SCTR: variants seen among roughly 807,000 people sequenced by gnomAD.
SCTR encodes the protein secretin receptor, also known as pancreatic secretin receptor.
In SCTR, 56 loss-of-function variants were observed where a neutral mutation model predicts 60.8. That is an observed-to-expected ratio of 0.92 (90% confidence interval 0.74 to 1.15). The LOEUF (loss-of-function observed/expected upper bound fraction) is 1.15, where lower values mean the gene tolerates loss of function less well. Among genes scored for constraint, SCTR ranks in the 50% most tolerant of loss-of-function variants. The pLI is 0.00. For missense variants in SCTR, 562 were observed against 550.4 expected, an observed-to-expected ratio of 1.02 and a Z score of -0.21; for synonymous variants, 202 against 217.0, an observed-to-expected ratio of 0.93 and a Z score of 0.61.
intron 4 of SCTR, among the ~76,000 whole-genome samples, chr2:119,471,379 C>A (rs1276999351): frequency 2.0e-5 from 3 of 152,142 alleles, no homozygotes; most frequent in Non-Finnish European, 4.4e-5. Flanking sequence ...CCTCCAAGAC[C>A]ACGAGTGCTC....
At chr2:119,454,913 A>T (rs1326160095) in intron 7 of SCTR, among the ~76,000 whole-genome samples, 1 of 152,214 alleles carries the variant, frequency 6.6e-6, no homozygotes, top group African/African-American at 2.4e-5. Context: ...ATACATTGAA[A>T]TGATACTATT....
At chr2:119,487,874 C>T (rs1013103109) in intron 2 of SCTR, among the ~76,000 whole-genome samples, 1 of 152,092 alleles carries the variant, frequency 6.6e-6, no homozygotes, top group East Asian at 1.9e-4. Flanking sequence ...TAACCATTAA[C>T]CCTGCACCCT....
intron 1 of SCTR, among the ~76,000 whole-genome samples, chr2:119,512,422 A>C (rs1255968330): frequency 7.2e-6 from 1 of 138,202 alleles, no homozygotes; most frequent in Admixed American, 7.7e-5. Context: ...TTTGAGATGG[A>C]GTCCCGCTCT....
At chr2:119,447,020 TTTTCATTTTTTATTTTGAAAG>T in intron 10 of SCTR, 135 bp from the exon 11 acceptor site, 1 of 915,048 alleles carries the variant, frequency 1.1e-6, no homozygotes, top group Non-Finnish European at 1.5e-6. Context: ...AACTTTTTTG[TTTTCATTTTTTATTTTGAAAG>T]TTTCTAACTC....
intron 1 of SCTR, among the ~76,000 whole-genome samples, chr2:119,500,982 C>A (rs1319871326): frequency 2.6e-5 from 4 of 152,088 alleles, no homozygotes; most frequent in Non-Finnish European, 4.4e-5. Context: ...ATGATTATCA[C>A]ATGAACCCCC....
At chr2:119,510,241 T>C (rs1239899322) in intron 1 of SCTR, among the ~76,000 whole-genome samples, 1 of 150,046 alleles carries the variant, frequency 6.7e-6, no homozygotes, top group African/African-American at 2.4e-5. Flanking sequence ...GCATCTCACA[T>C]TTGTTTTGCC....
At position 119,509,711 on chromosome 2, in the gene SCTR, G is replaced by T. The variant is rs1678871276; in HGVS notation, c.72+14444C>A. Among the ~76,000 whole-genome samples, 4 of 152,148 alleles carry T rather than the reference G, an allele frequency of 2.6e-5. No individual in the cohort carries two copies. The South Asian group carries it at 8.3e-4, about 32-fold the overall frequency. ...AACCATTTAATGTGTGCAATTCAGT[G>T]GTATTAGGTATACTCACAATGTTGT... is the stretch of plus-strand genomic sequence containing the variant. On this transcript the variant is annotated intron_variant, in intron 1 of 12. Transcript: ENST00000019103.
intron 1 of SCTR, among the ~76,000 whole-genome samples, chr2:119,506,163 C>G (rs1558878922): frequency 6.6e-6 from 1 of 152,098 alleles, no homozygotes; most frequent in Non-Finnish European, 1.5e-5. Context: ...GGCATTTATC[C>G]CAGAGGAATG....
At chr2:119,458,866 T>C (rs1683486070) in intron 7 of SCTR, among the ~76,000 whole-genome samples, 1 of 152,102 alleles carries the variant, frequency 6.6e-6, no homozygotes, top group Non-Finnish European at 1.5e-5. Flanking sequence ...GCAAGCTGGG[T>C]TTGGCAGACC....
intron 1 of SCTR, among the ~76,000 whole-genome samples, chr2:119,511,395 TATA>T (rs1355033602): frequency 6.6e-6 from 1 of 152,212 alleles, no homozygotes; most frequent in Non-Finnish European, 1.5e-5. Context: ...GGTCTACATT[TATA>T]ATGACTTATT....
chr2:119,515,687 T>C (rs945457107), intron 1 of SCTR, among the ~76,000 whole-genome samples: 1 of 152,224 alleles, frequency 6.6e-6, no homozygotes, highest in Non-Finnish European at 1.5e-5. Flanking sequence ...GGTCCCCCCA[T>C]GGTTCCCAGG....
rs369344198 is a variant in SCTR, at chr2:119,449,847, GC to G, written c.922-1068del. On this transcript the variant is annotated intron_variant, in intron 9 of 12. Transcript: ENST00000019103. ...TGCTTATGCATCTTGTTGTAAGCTG[GC>G]TATGCATGCTATCAACTCATTAAGG... Among the ~76,000 whole-genome samples, 94 of 152,046 alleles carry G rather than the reference GC, an allele frequency of 6.2e-4. 2 individuals carry two copies. In the South Asian group the frequency reaches 0.018, roughly 29 times the overall value.
At chr2:119,520,839 C>A (rs1191545057) in intron 1 of SCTR, among the ~76,000 whole-genome samples, 2 of 152,144 alleles carry the variant, frequency 1.3e-5, no homozygotes, top group African/African-American at 4.8e-5. Context: ...GCCCCAAACC[C>A]AATGTGAAAT....
At chr2:119,446,966 C>G (rs1682957146) in intron 10 of SCTR, 81 bp from the exon 11 acceptor site, 1 of 1,304,572 alleles carries the variant, frequency 7.7e-7, no homozygotes, top group Non-Finnish European at 9.9e-7. Flanking sequence ...CTGTGCCACT[C>G]CCCAGCTCGG....
intron 9 of SCTR, among the ~76,000 whole-genome samples, chr2:119,450,263 A>G (rs898621480): frequency 1.2e-4 from 19 of 152,022 alleles, no homozygotes; most frequent in African/African-American, 4.3e-4. Flanking sequence ...GTAGGGAGAT[A>G]TTTTGCATCA....
chr2:119,461,878 C>T lies in SCTR; in HGVS notation c.759G>A (p.Lys253=). The T allele has an allele frequency of 6.2e-7, 1 of 1,613,858 alleles. No individual in the cohort carries two copies. The highest frequency in any genetic ancestry group is 8.5e-7 in the Non-Finnish European group (1 of 1,179,876). Residue 253 remains lysine (K), a synonymous_variant, in exon 7 of 13, where the codon AAG becomes AAA. Coordinates refer to ENST00000019103, the MANE Select transcript of SCTR (RefSeq NM_002980.3). ...LLAISFFSER[K]YLQGFVAFGW... ...CGAATGCCACAAATCCCTGGAGGTA[C>T]TTTCTTTCAGAGAAGAAGGAGATGG...
At chr2:119,475,115 C>A (rs139756792) in intron 3 of SCTR, among the ~76,000 whole-genome samples, 42 of 152,270 alleles carry the variant, frequency 2.8e-4, no homozygotes, top group African/African-American at 9.9e-4. Flanking sequence ...CTCTTTTTGG[C>A]CTTTCTAAAA....
intron 2 of SCTR, among the ~76,000 whole-genome samples, chr2:119,493,998 T>C (rs1477810249): frequency 6.6e-6 from 1 of 152,182 alleles, no homozygotes; most frequent in African/African-American, 2.4e-5. Flanking sequence ...TTTGCCTGTG[T>C]TCACACAGCC....
At chr2:119,450,687 G>T (rs574316979) in intron 9 of SCTR, among the ~76,000 whole-genome samples, 56 of 151,970 alleles carry the variant, frequency 3.7e-4, no homozygotes, top group Middle Eastern at 6.8e-3. Flanking sequence ...AATACATTTT[G>T]TGCCAGGCAC....
Sources: allele counts gnomAD v4.1 joint callset (sites outside exome capture counted in the v4.1 genomes callset), GRCh38; gene constraint gnomAD v4.1.1; transcripts MANE v1.5; gene names NCBI Gene and HGNC (gene_info 2026-07-23, HGNC 2026-07-21).